Variants in NTM observed in about 807,000 individuals in gnomAD.
NTM encodes the protein neurotrimin.
NTM carries 13 observed loss-of-function variants against 42.1 expected under a neutral mutation model. The ratio of observed to expected loss-of-function variants is 0.31; its 90% CI spans 0.20 to 0.49. The LOEUF is 0.49. Among genes scored for constraint, NTM ranks in the 20% least tolerant of loss-of-function variants. NTM has a pLI of 0.99. For synonymous variants in NTM, 187 were observed against 179.2 expected (o/e 1.04, Z -0.35); for missense variants, 373 against 452.8 (o/e 0.82, Z 1.60).
chr11:132,100,823 C>T (rs145369425), intron 2 of NTM, among the ~76,000 whole-genome samples: 65 of 152,192 alleles, frequency 4.3e-4, no homozygotes, highest in African/African-American at 1.4e-3. Context: ...GATTTAATGA[C>T]GAGTATCACT....
intron 4 of NTM, among the ~76,000 whole-genome samples, chr11:132,217,655 A>C (rs557562821): frequency 6.6e-6 from 1 of 152,102 alleles, no homozygotes; most frequent in South Asian, 2.1e-4. Flanking sequence ...CCTACTCTCC[A>C]TACCAACAGG....
At chr11:132,171,912 C>T (rs539587996) in intron 3 of NTM, among the ~76,000 whole-genome samples, 1 of 152,260 alleles carries the variant, frequency 6.6e-6, no homozygotes, top group South Asian at 2.1e-4. Context: ...CTTCTTTCTG[C>T]AAATCTCCTA....
chr11:131,673,775 T>C (rs1482785525), intron 1 of NTM, among the ~76,000 whole-genome samples: 1 of 152,184 alleles, frequency 6.6e-6, no homozygotes, highest in Non-Finnish European at 1.5e-5. Context: ...CTCTCCTTCC[T>C]GAGGCTGGAG....
intron 1 of NTM, among the ~76,000 whole-genome samples, chr11:131,826,290 A>G (rs1305315254): frequency 2.6e-5 from 4 of 152,196 alleles, no homozygotes; most frequent in African/African-American, 7.2e-5. Context: ...AAGCCTTAGC[A>G]TGTTGGCAGA....
chr11:132,309,235 G>A (rs1367349712), intron 5 of NTM, among the ~76,000 whole-genome samples: 3 of 152,186 alleles, frequency 2.0e-5, no homozygotes, highest in Non-Finnish European at 4.4e-5. Context: ...GGTAGAATGT[G>A]AAGAGTAGTT....
At chr11:131,867,699 T>C (rs987449678) in intron 1 of NTM, among the ~76,000 whole-genome samples, 4 of 152,144 alleles carry the variant, frequency 2.6e-5, no homozygotes, top group Non-Finnish European at 5.9e-5. Context: ...TGTGTGTCTG[T>C]AGGAGTCTAG....
At chr11:131,436,077 G>T (rs1342018155) in intron 1 of NTM, among the ~76,000 whole-genome samples, 1 of 152,160 alleles carries the variant, frequency 6.6e-6, no homozygotes, top group Admixed American at 6.5e-5. Flanking sequence ...CTGTTTATGT[G>T]ATGGATTATG....
intron 1 of NTM, among the ~76,000 whole-genome samples, chr11:131,717,069 G>A (rs1298191955): frequency 1.3e-5 from 2 of 152,100 alleles, no homozygotes; most frequent in Non-Finnish European, 2.9e-5. Flanking sequence ...TTGAACTCCT[G>A]GGTTCAAGCA....
rs569822355 is a variant in NTM at position 131,549,116 on chromosome 11, C to A, written c.82+178228C>A. 8.5e-5 allele frequency among the ~76,000 whole-genome samples: 13 copies of A among 152,306 alleles called. No homozygotes were observed. In the East Asian group the frequency reaches 2.3e-3, roughly 27 times the overall value. On this transcript the variant is annotated intron_variant, in intron 1 of 8. Coordinates refer to ENST00000683400, the MANE Select transcript of NTM (RefSeq NM_001352005.2). Reference sequence around the variant, plus strand: ...CTTTTTAGTTCCCCACAAGCGATATCAAGAAAACATAGAAACAGTTTAGAG... The same window carrying A: ...CTTTTTAGTTCCCCACAAGCGATATAAAGAAAACATAGAAACAGTTTAGAG...
intron 2 of NTM, among the ~76,000 whole-genome samples, chr11:131,954,506 A>G (rs894423639): frequency 3.3e-5 from 5 of 152,224 alleles, no homozygotes; most frequent in African/African-American, 1.2e-4. Context: ...GCTCCCGATG[A>G]TACAGCAGGA....
intron 1 of NTM, among the ~76,000 whole-genome samples, chr11:131,706,464 A>C (rs2076602507): frequency 6.6e-6 from 1 of 152,046 alleles, no homozygotes; most frequent in South Asian, 2.1e-4. Context: ...GGATTTGAGC[A>C]GCATAATAGA....
intron 1 of NTM, among the ~76,000 whole-genome samples, chr11:131,848,112 A>G (rs1279433667): frequency 6.6e-6 from 1 of 152,224 alleles, no homozygotes; most frequent in East Asian, 1.9e-4. Context: ...GTATCACTAA[A>G]TGGAATTTTA....
At chr11:131,735,518 T>C (rs1188051753) in intron 1 of NTM, among the ~76,000 whole-genome samples, 1 of 152,242 alleles carries the variant, frequency 6.6e-6, no homozygotes, top group African/African-American at 2.4e-5. Flanking sequence ...GGGGTTGTAT[T>C]GTCTGAAACA....
Position 131,570,886 on chromosome 11 carries a change from C to T in NTM, c.82+199998C>T, listed in dbSNP as rs143110811. ...AGTAAACAGAATTGCCTATTACATG[C>T]TAGGCACTGCAGACTCAGAAAGGAA... On this transcript the variant is annotated intron_variant, in intron 1 of 8. Coordinates refer to ENST00000683400, the MANE Select transcript of NTM (RefSeq NM_001352005.2). 2.8e-4 allele frequency among the ~76,000 whole-genome samples: 42 copies of T among 152,334 alleles called. No individual in the cohort carries two copies. The East Asian group carries it at 6.9e-3, about 25-fold the overall frequency.
At chr11:131,654,938 C>T (rs1308986224) in intron 1 of NTM, among the ~76,000 whole-genome samples, 2 of 152,120 alleles carry the variant, frequency 1.3e-5, no homozygotes, top group Admixed American at 6.5e-5. Flanking sequence ...TGGATTAATC[C>T]ACCCAGCTAC....
At chr11:132,288,213 G>T (rs1165722811) in intron 4 of NTM, among the ~76,000 whole-genome samples, 1 of 152,148 alleles carries the variant, frequency 6.6e-6, no homozygotes, top group Non-Finnish European at 1.5e-5. Context: ...GGAATAGAAA[G>T]CCAAGTGCCA....
At chr11:131,821,391 C>A (rs1258805569) in intron 1 of NTM, among the ~76,000 whole-genome samples, 3 of 152,180 alleles carry the variant, frequency 2.0e-5, no homozygotes, top group Admixed American at 1.3e-4. Flanking sequence ...ATCAGTTACC[C>A]AGAGCTCTGA....
chr11:132,302,985 T>C (rs1431291161), intron 4 of NTM, among the ~76,000 whole-genome samples: 1 of 152,246 alleles, frequency 6.6e-6, no homozygotes, highest in Non-Finnish European at 1.5e-5. Context: ...TAGAATTCTA[T>C]ATTTTAAGCA....
intron 2 of NTM, among the ~76,000 whole-genome samples, chr11:132,091,330 C>G (rs1486278769): frequency 6.6e-6 from 1 of 151,928 alleles, no homozygotes; most frequent in Non-Finnish European, 1.5e-5. Context: ...ATCATTTGAA[C>G]CAGGGAGGTG....
Sources: gnomAD v4.1 joint callset for allele counts (sites outside exome capture counted in the v4.1 genomes callset) on GRCh38, gnomAD v4.1.1 for gene constraint, MANE v1.5 for transcripts, NCBI Gene and HGNC (gene_info 2026-07-23, HGNC 2026-07-21) for gene names.